The following TAB3 variants were observed in gnomAD, a reference collection of about 807,000 sequenced individuals.
TAB3 encodes the protein TGF-beta activated kinase 1 (MAP3K7) binding protein 3, also known as TGF-beta-activated kinase 1 and MAP3K7-binding protein 3.
In TAB3, 18 loss-of-function variants were observed where a neutral mutation model predicts 48.1. That is an observed-to-expected ratio of 0.37 (90% CI 0.26 to 0.55). The LOEUF is 0.55. TAB3 is among the 20% of genes least tolerant of loss of function. The probability of loss-of-function intolerance (pLI) is 0.78; values close to 1 mark genes in which losing one functional copy is unlikely to be tolerated. For synonymous variants in TAB3, 185 were observed against 190.2 expected (o/e 0.97, Z 0.22); for missense variants, 414 against 549.8 (o/e 0.75, Z 2.47).
In TAB3 at chrX:30,849,778, A is replaced by G. The variant is rs767437845; in HGVS notation, c.1710+3000T>C. 5.4e-5 allele frequency among the ~76,000 whole-genome samples: 6 copies of G among 112,048 alleles called. No individual in the cohort carries two copies. In the South Asian group the frequency reaches 2.2e-3, roughly 41 times the overall value. ...AATGAGCCTTGATGAGCAAAATGGG[A>G]AATCTGACTAAATGATTTATTTCTT... On this transcript the variant is annotated intron_variant, in intron 7 of 10. Coordinates refer to ENST00000288422, the MANE Select transcript of TAB3 (RefSeq NM_152787.5).
intron 4 of TAB3, among the ~76,000 whole-genome samples, chrX:30,866,726 G>T (rs1177493321): frequency 1.8e-5 from 2 of 109,597 alleles, no homozygotes; most frequent in Non-Finnish European, 3.8e-5. Flanking sequence ...AATGAGGGGT[G>T]GGGGGAGCCT....
At position 30,827,603 on chromosome X, in the gene TAB3, G is replaced by A. The variant is rs779630510; in HGVS notation, c.*3824C>T. On this transcript the variant is annotated 3_prime_UTR_variant, in exon 11 of 11. Transcript: ENST00000288422. ...ATACACAGAAATCTAAAAGAGACAT[G>A]GTATTTACAAGATTTAATAAGTTTT... 1 of 112,287 alleles carries A rather than the reference G, an allele frequency of 8.9e-6. No individual in the cohort carries two copies. The highest frequency in any genetic ancestry group is 3.7e-4 in the South Asian group (1 of 2,703). 9.3% of individuals were successfully genotyped at this position (112,287 alleles called of 1,213,427 possible).
chrX:30,863,759 C>T (rs936173260), intron 4 of TAB3, among the ~76,000 whole-genome samples: 1 of 111,819 alleles, frequency 8.9e-6, no homozygotes, highest in African/African-American at 3.3e-5. Context: ...TATAAATTAC[C>T]CTGCCTCAGG....
intron 4 of TAB3, among the ~76,000 whole-genome samples, chrX:30,864,934 C>T (rs1199149021): frequency 1.8e-5 from 2 of 111,640 alleles, no homozygotes; most frequent in African/African-American, 6.5e-5. Context: ...TAAGGCACCA[C>T]TCCCCTTTTA....
chrX:30,863,836 C>G (rs150051149), intron 4 of TAB3, among the ~76,000 whole-genome samples: 1 of 112,103 alleles, frequency 8.9e-6, no homozygotes, highest in African/African-American at 3.2e-5. Context: ...CAAAGTTTTA[C>G]AGTAAAGTAT....
intron 7 of TAB3, among the ~76,000 whole-genome samples, chrX:30,850,614 A>G (rs1231280733): frequency 3.7e-5 from 4 of 108,439 alleles, no homozygotes; most frequent in Non-Finnish European, 5.7e-5. Context: ...CGGGAGGCTG[A>G]GGCAGGAGAC....
chrX:30,831,678 G>T (rs1938037000), intron 10 of TAB3, 103 bp from the exon 11 acceptor site: 3 of 907,283 alleles, frequency 3.3e-6, no homozygotes, highest in Non-Finnish European at 4.5e-6. Flanking sequence ...AATCAAGGGA[G>T]GTAATTGCCT....
intron 6 of TAB3, 35 bp downstream of exon 6, chrX:30,854,081 C>T (rs757764899): frequency 8.7e-7 from 1 of 1,150,483 alleles, no homozygotes; most frequent in Non-Finnish European, 1.2e-6. Context: ...TGCCTCACCA[C>T]AGAAATTAAA....
At chrX:30,883,636 C>G (rs995068390) in intron 1 of TAB3, among the ~76,000 whole-genome samples, 2 of 112,119 alleles carry the variant, frequency 1.8e-5, no homozygotes, top group African/African-American at 6.5e-5. Flanking sequence ...GCTTGACGGT[C>G]CTTGCTAGGA....
chrX:30,831,411 G>A lies in TAB3; in HGVS notation c.*16C>T, dbSNP rs367994043. The A allele has an allele frequency of 1.4e-5, 17 of 1,202,020 alleles. No homozygotes were observed. The Admixed American group carries it at 1.8e-4, about 12-fold the overall frequency. On this transcript the variant is annotated 3_prime_UTR_variant, in exon 11 of 11. Coordinates refer to ENST00000288422, the MANE Select transcript of TAB3 (RefSeq NM_152787.5). ...CTCAAAGTTTCACTTTCAACCTGGC[G>A]CAGACTTTTCTGAATTCAGGTGTAC...
intron 7 of TAB3, among the ~76,000 whole-genome samples, chrX:30,850,935 A>G (rs1011271451): frequency 1.8e-5 from 2 of 111,328 alleles, no homozygotes; most frequent in African/African-American, 6.5e-5. Context: ...GAAAATTACT[A>G]TGCTAAGAAA....
intron 1 of TAB3, among the ~76,000 whole-genome samples, chrX:30,883,519 A>C (rs1940051343): frequency 9.0e-6 from 1 of 111,511 alleles, no homozygotes; most frequent in Admixed American, 9.5e-5. Flanking sequence ...CCACTATACT[A>C]TACAGCCTTT....
At chrX:30,879,088 T>C (rs991261172) in intron 1 of TAB3, among the ~76,000 whole-genome samples, 2 of 111,772 alleles carry the variant, frequency 1.8e-5, no homozygotes, top group Non-Finnish European at 3.8e-5. Context: ...TAAAATATAC[T>C]GAATATAAAA....
In TAB3 at chrX:30,831,392, G is replaced by C. The variant is rs753552750; in HGVS notation, c.*35C>G. 15 of 1,191,700 alleles carry C rather than the reference G, an allele frequency of 1.3e-5. No individual in the cohort carries two copies. The highest frequency in any genetic ancestry group is 1.6e-5 in the Non-Finnish European group (14 of 884,136). On this transcript the variant is annotated 3_prime_UTR_variant, in exon 11 of 11. Transcript: ENST00000288422. ...TCCTTTTCTTCTGGTAGTGCTCAAAGTTTCACTTTCAACCTGGCGCAGACT... is the reference window on the plus strand; with the variant it reads ...TCCTTTTCTTCTGGTAGTGCTCAAACTTTCACTTTCAACCTGGCGCAGACT...
At chrX:30,862,241 T>TAG (rs1335486435) in intron 4 of TAB3, among the ~76,000 whole-genome samples, 1 of 112,058 alleles carries the variant, frequency 8.9e-6, no homozygotes, top group Non-Finnish European at 1.9e-5. Flanking sequence ...AAATAACAGT[T>TAG]TTCCTAACAG....
intron 9 of TAB3, among the ~76,000 whole-genome samples, chrX:30,841,787 T>C (rs760538175): frequency 8.9e-6 from 1 of 112,318 alleles, no homozygotes; most frequent in Admixed American, 9.4e-5. Context: ...AGGCAGAAAG[T>C]TAATCTACAT....
chrX:30,855,361 A>T lies in TAB3; in HGVS notation c.304T>A (p.Ser102Thr). Reference sequence around the variant, plus strand: ...TGAGGATCAATATGTCCATCACTTGAGCTATGTACCAGTGTTCGACCACCA... The same window carrying T: ...TGAGGATCAATATGTCCATCACTTGTGCTATGTACCAGTGTTCGACCACCA... Reference protein sequence around the residue: ...LNGGRTLVHSSSDGHIDPQHA... With the variant: ...LNGGRTLVHSTSDGHIDPQHA... The change falls in exon 6 of 11, where the codon TCA becomes ACA. Residue 102 changes from serine to threonine, a missense_variant. Transcript: ENST00000288422. 1 of 1,211,195 alleles carries T rather than the reference A, an allele frequency of 8.3e-7. No homozygotes were observed. Among genetic ancestry groups the T allele is most frequent in the Non-Finnish European group, 1.1e-6 (1 of 895,244 alleles).
At chrX:30,852,705 C>T in intron 7 of TAB3, 73 bp downstream of exon 7, 1 of 1,052,748 alleles carries the variant, frequency 9.5e-7, no homozygotes, top group East Asian at 3.2e-5. Flanking sequence ...AGGAATAAAG[C>T]CTAAAGAAAA....
At chrX:30,885,565 G>A (rs1267376264) in intron 1 of TAB3, among the ~76,000 whole-genome samples, 1 of 107,822 alleles carries the variant, frequency 9.3e-6, no homozygotes, top group Non-Finnish European at 1.9e-5. Flanking sequence ...ATCCAGGGAT[G>A]AGGAAGGCAA....
Sources: allele counts gnomAD v4.1 joint callset (sites outside exome capture counted in the v4.1 genomes callset), GRCh38; gene constraint gnomAD v4.1.1; transcripts MANE v1.5; gene names NCBI Gene and HGNC (gene_info 2026-07-23, HGNC 2026-07-21).